Variants in ASIC2 observed in about 807,000 individuals in gnomAD.
ASIC2 encodes acid sensing ion channel subunit 2, also known as acid-sensing ion channel 2.
In ASIC2, 25 loss-of-function variants were observed where a neutral mutation model predicts 57.3. That is an observed-to-expected ratio of 0.44 (90% CI 0.32 to 0.61). The LOEUF is 0.61. ASIC2 is among the 20% of genes least tolerant of loss of function. The pLI, the probability that ASIC2 is intolerant of heterozygous loss-of-function variation, is 0.06. For missense variants in ASIC2, 641 were observed against 738.1 expected (o/e 0.87, Z 1.52); for synonymous variants, 319 against 307.5 (o/e 1.04, Z -0.39).
intron 1 of ASIC2, among the ~76,000 whole-genome samples, chr17:33,254,142 G>A (rs1168763643): frequency 6.6e-6 from 1 of 152,180 alleles, no homozygotes; most frequent in African/African-American, 2.4e-5. Context: ...CATCAGAACT[G>A]CTAAGGAGGC....
intron 3 of ASIC2, among the ~76,000 whole-genome samples, chr17:33,055,830 C>G (rs1033381223): frequency 3.3e-5 from 5 of 152,164 alleles, no homozygotes; most frequent in Non-Finnish European, 7.3e-5. Context: ...GGTCTTGTCT[C>G]CTCCGTGATA....
intron 3 of ASIC2, among the ~76,000 whole-genome samples, chr17:33,041,571 A>G (rs1221193845): frequency 1.3e-5 from 2 of 152,222 alleles, no homozygotes; most frequent in Non-Finnish European, 2.9e-5. Flanking sequence ...GGATAAGTAC[A>G]AGAGACTGCC....
At chr17:33,822,305 A>G (rs1912768100) in intron 1 of ASIC2, among the ~76,000 whole-genome samples, 1 of 152,170 alleles carries the variant, frequency 6.6e-6, no homozygotes, top group African/African-American at 2.4e-5. Flanking sequence ...GTAACACTTT[A>G]GATGAATAAA....
At chr17:33,498,330 A>G (rs1914000951) in intron 1 of ASIC2, among the ~76,000 whole-genome samples, 1 of 152,350 alleles carries the variant, frequency 6.6e-6, no homozygotes, top group Non-Finnish European at 1.5e-5. Context: ...AAAGAGCAAA[A>G]CATCAAAACA....
intron 1 of ASIC2, among the ~76,000 whole-genome samples, chr17:33,276,150 G>T (rs1019195333): frequency 1.3e-5 from 2 of 152,078 alleles, no homozygotes; most frequent in Non-Finnish European, 2.9e-5. Context: ...TTAGAGGCTG[G>T]CACAGTGCCT....
chr17:33,146,010 T>C (rs187574996), intron 1 of ASIC2, among the ~76,000 whole-genome samples: 204 of 152,334 alleles, frequency 1.3e-3, no homozygotes, highest in Non-Finnish European at 7.2e-4. Flanking sequence ...ATGAATAGTG[T>C]CTTCAAAACA....
At chr17:33,539,332 C>T (rs1915333384) in intron 1 of ASIC2, among the ~76,000 whole-genome samples, 1 of 152,242 alleles carries the variant, frequency 6.6e-6, no homozygotes, top group South Asian at 2.1e-4. Context: ...AAGGCTGCGC[C>T]TGCCATTGGC....
intron 1 of ASIC2, among the ~76,000 whole-genome samples, chr17:33,518,960 A>T (rs903144751): frequency 6.6e-6 from 1 of 151,846 alleles, no homozygotes; most frequent in Non-Finnish European, 1.5e-5. Context: ...AGCTGGGACT[A>T]CAGGCGCCCG....
At chr17:33,157,719 G>A (rs11649906) in intron 1 of ASIC2, among the ~76,000 whole-genome samples, 53,433 of 152,002 alleles carry the variant, frequency 0.35, 9,674 homozygotes, top group African/African-American at 0.44. Flanking sequence ...TGAAATAATG[G>A]TGGGTCTCAC....
At chr17:33,878,910 T>C (rs2932917) in intron 1 of ASIC2, among the ~76,000 whole-genome samples, 41,461 of 152,004 alleles carry the variant, frequency 0.27, 5,873 homozygotes, top group Middle Eastern at 0.37. Context: ...GCTGATCTCT[T>C]GGCAGAAACT....
chr17:33,660,008 C>T (rs1200490013), intron 1 of ASIC2, among the ~76,000 whole-genome samples: 6 of 151,960 alleles, frequency 3.9e-5, no homozygotes, highest in East Asian at 3.8e-4. Context: ...TGCTTGAACC[C>T]GGGAGGAGGA....
chr17:33,363,268 G>T (rs992102849), intron 1 of ASIC2, among the ~76,000 whole-genome samples: 11 of 152,350 alleles, frequency 7.2e-5, no homozygotes, highest in Admixed American at 7.2e-4. Context: ...GCAGAAGACA[G>T]CCTGCACCCA....
At chr17:33,928,696 A>T (rs536283486) in intron 1 of ASIC2, among the ~76,000 whole-genome samples, 1 of 152,218 alleles carries the variant, frequency 6.6e-6, no homozygotes, top group East Asian at 1.9e-4. Context: ...GGCCACAATG[A>T]ACCAGAGTTC....
At chr17:33,905,792 G>A (rs1381212007) in intron 1 of ASIC2, among the ~76,000 whole-genome samples, 2 of 152,038 alleles carry the variant, frequency 1.3e-5, no homozygotes, top group Non-Finnish European at 1.5e-5. Context: ...GAGGGTGGTC[G>A]CAGGCAGGCT....
chr17:33,712,706 C>T (rs1173315244), intron 1 of ASIC2, among the ~76,000 whole-genome samples: 3 of 122,660 alleles, frequency 2.4e-5, no homozygotes, highest in Admixed American at 1.1e-4. Context: ...AGTGCAGTGG[C>T]GGGATCTCGG....
At chr17:33,824,948 A>G (rs1912861661) in intron 1 of ASIC2, among the ~76,000 whole-genome samples, 1 of 152,182 alleles carries the variant, frequency 6.6e-6, no homozygotes, top group African/African-American at 2.4e-5. Flanking sequence ...AGATGACAAT[A>G]TTAATGACAC....
At chr17:33,397,130 G>T (rs1350748565) in intron 1 of ASIC2, among the ~76,000 whole-genome samples, 1 of 152,144 alleles carries the variant, frequency 6.6e-6, no homozygotes, top group South Asian at 2.1e-4. Flanking sequence ...CTGCCTGGTG[G>T]GAGGCCAGCT....
intron 1 of ASIC2, among the ~76,000 whole-genome samples, chr17:33,949,150 T>TG (rs898413465): frequency 4.6e-5 from 7 of 152,184 alleles, no homozygotes; most frequent in African/African-American, 1.7e-4. Context: ...AAACAAGTGG[T>TG]GGGTCAAAGT....
intron 1 of ASIC2, among the ~76,000 whole-genome samples, chr17:33,583,376 G>A (rs1484638596): frequency 1.3e-5 from 2 of 152,044 alleles, no homozygotes; most frequent in African/African-American, 2.4e-5. Flanking sequence ...TACTTACTGC[G>A]GACTTAGAAG....
Sources: allele counts gnomAD v4.1 joint callset (sites outside exome capture counted in the v4.1 genomes callset), GRCh38; gene constraint gnomAD v4.1.1; transcripts MANE v1.5; gene names NCBI Gene and HGNC (gene_info 2026-07-23, HGNC 2026-07-21).